PCDHGA7: variants seen among roughly 807,000 people sequenced by gnomAD.
PCDHGA7 encodes protocadherin gamma subfamily A, 7.
PCDHGA7 carries 44 observed loss-of-function variants against 58.3 expected under a neutral mutation model. The observed-to-expected ratio is 0.75, with a 90% CI of 0.59 to 0.97. PCDHGA7 has a LOEUF of 0.97. PCDHGA7 is among the 50% of genes least tolerant of loss of function. PCDHGA7 has a pLI of 0.00. For missense variants in PCDHGA7, 1,266 were observed against 1,188.7 expected (o/e 1.06, Z -0.96); for synonymous variants, 516 against 504.2 (o/e 1.02, Z -0.31).
Position 141,432,155 on chromosome 5 carries a change from C to T in PCDHGA7, c.2424+46832C>T, listed in dbSNP as rs368480052. 3.8e-5 allele frequency: 62 copies of T among 1,614,178 alleles called. No individual in the cohort carries two copies. In the African/African-American group the frequency reaches 7.1e-4, roughly 18 times the overall value. On this transcript the variant is annotated intron_variant, in intron 1 of 3. Coordinates refer to ENST00000518325, the MANE Select transcript of PCDHGA7 (RefSeq NM_018920.4). This position sits in a 1 kb window ranked among gnomAD's most constrained non-coding sequence, Gnocchi z 6.0. ...TTCCGCTTATATCCCAGAGAACAATCCCAGAGGAGTTTCCCTCGTCTCTGT... is the reference window on the plus strand; with the variant it reads ...TTCCGCTTATATCCCAGAGAACAATTCCAGAGGAGTTTCCCTCGTCTCTGT...
At chr5:141,449,021 C>T (rs897401758) in intron 1 of PCDHGA7, among the ~76,000 whole-genome samples, 3 of 152,104 alleles carry the variant, frequency 2.0e-5, no homozygotes, top group Non-Finnish European at 4.4e-5. Context: ...AGTTGCTTAG[C>T]ATTCCTTTGG....
At chr5:141,465,826 T>A (rs1402342209) in intron 1 of PCDHGA7, among the ~76,000 whole-genome samples, 1 of 151,994 alleles carries the variant, frequency 6.6e-6, no homozygotes, top group Non-Finnish European at 1.5e-5. Context: ...CACATTTGTT[T>A]AAAATTTCAA....
At chr5:141,421,651 A>G in intron 1 of PCDHGA7, 1 of 1,613,868 alleles carries the variant, frequency 6.2e-7, no homozygotes, top group Non-Finnish European at 8.5e-7. Flanking sequence ...AGTGGAGATA[A>G]AAGTCAGTGA....
intron 1 of PCDHGA7, chr5:141,410,230 C>T (rs759582867): frequency 6.2e-7 from 1 of 1,614,006 alleles, no homozygotes; most frequent in Admixed American, 1.7e-5. Flanking sequence ...CAGACCTCAG[C>T]GACCGCCCTG....
intron 1 of PCDHGA7, among the ~76,000 whole-genome samples, chr5:141,460,304 A>T (rs769422296): frequency 2.6e-5 from 4 of 152,144 alleles, no homozygotes; most frequent in Admixed American, 6.5e-5. Flanking sequence ...TCCTATTCAA[A>T]AACTCCTTGC....
intron 1 of PCDHGA7, among the ~76,000 whole-genome samples, chr5:141,467,341 C>T (rs1169830103): frequency 6.6e-6 from 1 of 152,214 alleles, no homozygotes; most frequent in Non-Finnish European, 1.5e-5. Context: ...ACGTAAGCCA[C>T]TGCCCCCGGC....
intron 1 of PCDHGA7, chr5:141,392,130 A>T (rs770884253): frequency 6.6e-6 from 1 of 152,238 alleles, no homozygotes; most frequent in African/African-American, 2.4e-5. Context: ...TTGTAAAATG[A>T]TTAAGTAGTT....
intron 1 of PCDHGA7, chr5:141,475,956 G>T (rs2099382674): frequency 2.5e-6 from 2 of 805,186 alleles, no homozygotes; most frequent in South Asian, 1.9e-5. Flanking sequence ...TCTGCGCCCC[G>T]GGATGAGGCA....
At position 141,418,416 on chromosome 5, in the gene PCDHGA7, C is replaced by A. The variant is rs377542164; in HGVS notation, c.2424+33093C>A. On this transcript the variant is annotated intron_variant, in intron 1 of 3. Transcript: ENST00000518325. ...TTCTCATTGGTGGAGAAAGACAATC[C>A]TGATGGTGGCAAATATCCAGAATTA... The A allele has an allele frequency of 3.7e-6, 6 of 1,613,866 alleles. No individual in the cohort carries two copies. The African/African-American group carries it at 8.0e-5, about 22-fold the overall frequency.
At chr5:141,461,820 A>AT (rs1458631685) in intron 1 of PCDHGA7, among the ~76,000 whole-genome samples, 5 of 147,814 alleles carry the variant, frequency 3.4e-5, no homozygotes, top group African/African-American at 7.5e-5. Context: ...CACCCAGCTA[A>AT]TTTTTTTTTC....
chr5:141,502,450 C>T (rs184669731), intron 2 of PCDHGA7, among the ~76,000 whole-genome samples: 3 of 152,010 alleles, frequency 2.0e-5, no homozygotes, highest in Admixed American at 1.3e-4. Context: ...AGATTACACA[C>T]CTTGGTAGGA....
chr5:141,419,763 A>T, intron 1 of PCDHGA7: 1 of 1,614,014 alleles, frequency 6.2e-7, no homozygotes, highest in South Asian at 1.1e-5. Flanking sequence ...TTGGGTGACA[A>T]GGACTCGGTC....
Position 141,419,399 on chromosome 5 carries a change from G to C in PCDHGA7, c.2424+34076G>C, listed in dbSNP as rs893535249. On this transcript the variant is annotated intron_variant, in intron 1 of 3. Coordinates refer to ENST00000518325, the MANE Select transcript of PCDHGA7 (RefSeq NM_018920.4). ...GTCCGTGAGCGCGCAGAGCGGGGTG[G>C]TGTTCGCGCAGCGCGCCTTCGACCA... 1.7e-5 allele frequency: 28 copies of C among 1,613,470 alleles called. No individual in the cohort carries two copies. Among genetic ancestry groups the C allele is most frequent in the Admixed American group, 1.7e-5 (1 of 60,014 alleles).
intron 1 of PCDHGA7, chr5:141,422,218 A>T: frequency 1.3e-6 from 2 of 1,564,130 alleles, no homozygotes; most frequent in Non-Finnish European, 8.6e-7. Flanking sequence ...TCTCTTTACC[A>T]CCACGACGAT....
intron 3 of PCDHGA7, among the ~76,000 whole-genome samples, chr5:141,507,760 T>G (rs2099863136): frequency 6.6e-6 from 1 of 152,202 alleles, no homozygotes; most frequent in Non-Finnish European, 1.5e-5. Context: ...GCCTCCCACC[T>G]TTGGCCCACA....
Position 141,432,394 on chromosome 5 carries a change from C to T in PCDHGA7, c.2424+47071C>T, listed in dbSNP as rs149830124. The T allele has an allele frequency of 1.7e-5, 27 of 1,614,260 alleles. No individual in the cohort carries two copies. The African/African-American group carries it at 2.7e-4, about 16-fold the overall frequency. On this transcript the variant is annotated intron_variant, in intron 1 of 3. Transcript: ENST00000518325. The surrounding 1 kb of genome is among the most constrained non-coding windows in gnomAD (Gnocchi z 6.0). ...ACGGGCACCCGCCCCTCAGCAGCAA[C>T]GTGTCGTTGAGCCTGTTCGTGCTGG...
In PCDHGA7 at chr5:141,384,775, G is replaced by T. The variant is rs1392115505; in HGVS notation, c.1876G>T (p.Val626Leu). 3 of 1,613,792 alleles carry T rather than the reference G, an allele frequency of 1.9e-6. No individual in the cohort carries two copies. The highest frequency in any genetic ancestry group is 1.3e-5 in the African/African-American group (1 of 74,958). The change falls in exon 1 of 4, where the codon GTG becomes TTG. Residue 626 changes from valine (V) to leucine (L), a missense_variant. Val to Leu is a conservative substitution (Grantham distance 32, BLOSUM62 1). Transcript: ENST00000518325. ...LFAVGLYTGE[V>L]RTARALLDRD... ...TGCGGTTGGGCTGTACACGGGCGAG[G>T]TGCGCACGGCTCGGGCCCTGCTGGA...
intron 1 of PCDHGA7, 146 bp from the exon 2 acceptor site, chr5:141,494,661 G>C (rs2099755951): frequency 6.7e-7 from 1 of 1,492,856 alleles, no homozygotes; most frequent in African/African-American, 1.4e-5. Context: ...TTTGTCTTTG[G>C]AGATGAGTCC....
intron 1 of PCDHGA7, among the ~76,000 whole-genome samples, chr5:141,467,486 T>A (rs985186472): frequency 6.6e-6 from 1 of 152,242 alleles, no homozygotes; most frequent in Non-Finnish European, 1.5e-5. Flanking sequence ...GGTTTCCACA[T>A]TTAGATCCCT....
Sources: allele counts gnomAD v4.1 joint callset (sites outside exome capture counted in the v4.1 genomes callset), GRCh38; gene constraint gnomAD v4.1.1; non-coding constraint Gnocchi (gnomAD v3.1); transcripts MANE v1.5; gene names NCBI Gene and HGNC (gene_info 2026-07-23, HGNC 2026-07-21).